TTLL5: variants seen among roughly 807,000 people sequenced by gnomAD.
The protein encoded by TTLL5 is tubulin polyglutamylase TTLL5.
A neutral mutation model predicts 168.4 loss-of-function variants in TTLL5; 132 were observed. That is an observed-to-expected ratio of 0.78 (90% CI 0.68 to 0.91). The LOEUF (loss-of-function observed/expected upper bound fraction) is 0.91. TTLL5 is among the 40% of genes least tolerant of loss of function. TTLL5 has a pLI of 0.00. For missense variants in TTLL5, 1,545 were observed against 1,581.5 expected (o/e 0.98, Z 0.39); for synonymous variants, 546 against 558.6 (o/e 0.98, Z 0.32).
chr14:75,666,262 C>A (rs928493748), intron 2 of TTLL5, among the ~76,000 whole-genome samples: 2 of 152,246 alleles, frequency 1.3e-5, no homozygotes, highest in Non-Finnish European at 2.9e-5. Flanking sequence ...TCTGTTAGAT[C>A]TGCTCAGATC....
intron 31 of TTLL5, among the ~76,000 whole-genome samples, chr14:75,905,189 T>A (rs907489269): frequency 6.6e-6 from 1 of 152,218 alleles, no homozygotes; most frequent in African/African-American, 2.4e-5. Flanking sequence ...TGTGCCTATG[T>A]AGGAATCCCT....
chr14:75,785,176 CTTTT>C (rs903930146), intron 26 of TTLL5, among the ~76,000 whole-genome samples: 4 of 102,558 alleles, frequency 3.9e-5, no homozygotes, highest in East Asian at 3.1e-4. Flanking sequence ...AGATTTCCTC[CTTTT>C]TTTTTTTTTT....
At chr14:75,673,095 T>A (rs1883869220) in intron 3 of TTLL5, among the ~76,000 whole-genome samples, 1 of 151,210 alleles carries the variant, frequency 6.6e-6, no homozygotes, top group African/African-American at 2.4e-5. Context: ...TACACCACCA[T>A]GGCTAGCTAA....
intron 30 of TTLL5, 81 bp downstream of exon 30, chr14:75,882,983 C>A: frequency 7.0e-7 from 1 of 1,427,572 alleles, no homozygotes. Context: ...CTCTTCAAGA[C>A]CGTTCGTACT....
intron 7 of TTLL5, among the ~76,000 whole-genome samples, chr14:75,706,590 G>A (rs1423153797): frequency 6.6e-6 from 1 of 152,102 alleles, no homozygotes; most frequent in Admixed American, 6.5e-5. Context: ...CTCCAAACAT[G>A]TTAATGAAAG....
chr14:75,663,311 C>G, intron 2 of TTLL5, 88 bp downstream of exon 2: 1 of 1,264,112 alleles, frequency 7.9e-7, no homozygotes, highest in Non-Finnish European at 1.1e-6. Flanking sequence ...ATACTCTTCT[C>G]TTTTACTTAT....
intron 4 of TTLL5, among the ~76,000 whole-genome samples, chr14:75,681,952 C>T (rs1207750380): frequency 6.6e-6 from 1 of 151,980 alleles, no homozygotes; most frequent in Non-Finnish European, 1.5e-5. Context: ...CTTTGCTTAA[C>T]TTGAAATGGC....
chr14:75,783,780 C>A (rs991096395), intron 26 of TTLL5, among the ~76,000 whole-genome samples: 1 of 152,302 alleles, frequency 6.6e-6, no homozygotes, highest in Non-Finnish European at 1.5e-5. Context: ...GGCTTCTGTT[C>A]ACTAGGAGCC....
At chr14:75,742,537 A>G (rs1007398953) in intron 15 of TTLL5, among the ~76,000 whole-genome samples, 1 of 152,208 alleles carries the variant, frequency 6.6e-6, no homozygotes, top group Non-Finnish European at 1.5e-5. Flanking sequence ...CTGAGACCAC[A>G]GGCATGTGCC....
chr14:75,905,790 T>C (rs2033120084), intron 31 of TTLL5, among the ~76,000 whole-genome samples: 1 of 152,224 alleles, frequency 6.6e-6, no homozygotes, highest in African/African-American at 2.4e-5. Context: ...CTACCATTAC[T>C]GTAGGAGTCT....
chr14:75,779,771 T>A (rs775247628), intron 24 of TTLL5, 69 bp downstream of exon 24: 36 of 1,487,122 alleles, frequency 2.4e-5, no homozygotes, highest in Non-Finnish European at 3.2e-5. Flanking sequence ...CAAAGGAGAA[T>A]GAGGAATAAT....
At chr14:75,775,080 A>G (rs1891640242) in intron 21 of TTLL5, among the ~76,000 whole-genome samples, 1 of 151,056 alleles carries the variant, frequency 6.6e-6, no homozygotes, top group African/African-American at 2.4e-5. Flanking sequence ...CTAAATATGA[A>G]TATTTCTGTA....
intron 2 of TTLL5, among the ~76,000 whole-genome samples, chr14:75,668,515 G>A (rs1209054832): frequency 6.6e-6 from 1 of 152,170 alleles, no homozygotes; most frequent in African/African-American, 2.4e-5. Context: ...TAATGAGGGT[G>A]AAGGTTTTTC....
At chr14:75,709,463 C>T (rs977575391) in intron 9 of TTLL5, 8 of 414,456 alleles carry the variant, frequency 1.9e-5, no homozygotes, top group Non-Finnish European at 3.1e-5. Context: ...TGAGTTTGAG[C>T]CCTGGGAACA....
intron 5 of TTLL5, among the ~76,000 whole-genome samples, chr14:75,688,181 C>G (rs1044180321): frequency 2.6e-5 from 4 of 152,118 alleles, no homozygotes; most frequent in African/African-American, 9.7e-5. Context: ...AAGAAAAGAC[C>G]AAGGCATGAT....
intron 3 of TTLL5, among the ~76,000 whole-genome samples, chr14:75,678,399 A>T (rs1884352329): frequency 6.6e-6 from 1 of 152,228 alleles, no homozygotes; most frequent in South Asian, 2.1e-4. Context: ...AAGCACAATA[A>T]TGTGTCACTG....
In TTLL5 at chr14:75,717,486, T is replaced by C. The variant is rs575396183; in HGVS notation, c.741-375T>C. ...TACACACAATTTCCCAGGTTGTAAA[T>C]AGCTATATTTTCAATTTTCATTCTT... On this transcript the variant is annotated intron_variant, in intron 9 of 31. Transcript: ENST00000298832. 5.9e-5 allele frequency among the ~76,000 whole-genome samples: 9 copies of C among 152,278 alleles called. No homozygotes were observed. In the East Asian group the frequency reaches 1.7e-3, roughly 29 times the overall value.
intron 3 of TTLL5, 81 bp from the exon 4 acceptor site, chr14:75,681,464 A>T: frequency 9.0e-7 from 1 of 1,111,258 alleles, no homozygotes; most frequent in Non-Finnish European, 1.4e-6. Context: ...TATTGAGTAT[A>T]ATTAAGCCAC....
intron 18 of TTLL5, among the ~76,000 whole-genome samples, chr14:75,761,120 T>C (rs1025879669): frequency 6.6e-6 from 1 of 152,102 alleles, no homozygotes. Flanking sequence ...GTAGCCAATA[T>C]GCTTATGAAA....
Sources: allele counts gnomAD v4.1 joint callset (sites outside exome capture counted in the v4.1 genomes callset), GRCh38; gene constraint gnomAD v4.1.1; transcripts MANE v1.5; gene names NCBI Gene and HGNC (gene_info 2026-07-23, HGNC 2026-07-21).